The following NKAIN3 variants were observed in gnomAD, a reference collection of about 807,000 sequenced individuals.
NKAIN3 encodes sodium/potassium-transporting ATPase subunit beta-1-interacting protein 3.
NKAIN3 carries 25 observed loss-of-function variants against 30.2 expected under a neutral mutation model. The ratio of observed to expected loss-of-function variants is 0.83; its 90% CI spans 0.60 to 1.16. The LOEUF (loss-of-function observed/expected upper bound fraction) is 1.16, where lower values mean the gene tolerates loss of function less well. Among genes scored for constraint, NKAIN3 ranks in the 50% most tolerant of loss-of-function variants. The pLI is 0.00. For synonymous variants in NKAIN3, 91 were observed against 89.6 expected (o/e 1.02, Z -0.09); for missense variants, 225 against 254.1 (o/e 0.89, Z 0.78).
chr8:62,708,903 C>A (rs1337944380), intron 3 of NKAIN3, among the ~76,000 whole-genome samples: 1 of 152,116 alleles, frequency 6.6e-6, no homozygotes, highest in Non-Finnish European at 1.5e-5. Context: ...CCCTTGTATG[C>A]AGATTTTGAT....
chr8:62,717,375 C>G (rs1814941378), intron 3 of NKAIN3, among the ~76,000 whole-genome samples: 1 of 152,106 alleles, frequency 6.6e-6, no homozygotes, highest in Admixed American at 6.5e-5. Context: ...TCTGCCTATG[C>G]TTTATGTGTT....
At chr8:62,681,427 C>T (rs751119312) in intron 3 of NKAIN3, among the ~76,000 whole-genome samples, 2 of 152,118 alleles carry the variant, frequency 1.3e-5, no homozygotes, top group Non-Finnish European at 1.5e-5. Context: ...AGAGTTGATA[C>T]TCAGTTAATT....
chr8:62,889,769 A>G (rs1340980667), intron 4 of NKAIN3, among the ~76,000 whole-genome samples: 3 of 152,162 alleles, frequency 2.0e-5, no homozygotes, highest in Non-Finnish European at 4.4e-5. Context: ...CCTAGGATAG[A>G]CCTTGAGCAA....
intron 3 of NKAIN3, among the ~76,000 whole-genome samples, chr8:62,718,511 T>C (rs1027675257): frequency 6.6e-6 from 1 of 152,192 alleles, no homozygotes; most frequent in Non-Finnish European, 1.5e-5. Context: ...CCTTAATTTA[T>C]TAAACTAATT....
At chr8:62,395,118 G>A (rs1296350343) in intron 1 of NKAIN3, among the ~76,000 whole-genome samples, 2 of 151,698 alleles carry the variant, frequency 1.3e-5, no homozygotes, top group Non-Finnish European at 1.5e-5. Flanking sequence ...ACGGGACAGA[G>A]GTGCTCCTCA....
At chr8:62,776,147 T>C (rs1586183753) in intron 4 of NKAIN3, among the ~76,000 whole-genome samples, 1 of 152,248 alleles carries the variant, frequency 6.6e-6, no homozygotes, top group Admixed American at 6.5e-5. Context: ...TTTCAGTCTA[T>C]GTGTGCCTTT....
chr8:62,461,818 C>T (rs1806009365), intron 1 of NKAIN3, among the ~76,000 whole-genome samples: 1 of 152,086 alleles, frequency 6.6e-6, no homozygotes, highest in Non-Finnish European at 1.5e-5. Flanking sequence ...GCCTCAGATG[C>T]CTGTGGGAAA....
At chr8:62,860,943 C>T (rs1184832208) in intron 4 of NKAIN3, among the ~76,000 whole-genome samples, 3 of 152,318 alleles carry the variant, frequency 2.0e-5, no homozygotes, top group South Asian at 4.1e-4. Flanking sequence ...CATTCCAGGA[C>T]AGGCAGAAGG....
At chr8:62,400,156 A>G (rs1045575992) in intron 1 of NKAIN3, among the ~76,000 whole-genome samples, 3 of 145,506 alleles carry the variant, frequency 2.1e-5, no homozygotes, top group African/African-American at 5.1e-5. Flanking sequence ...GGTAGATGCT[A>G]TATTTTCTTT....
intron 1 of NKAIN3, among the ~76,000 whole-genome samples, chr8:62,316,620 A>G: frequency 6.6e-6 from 1 of 152,048 alleles, no homozygotes. Flanking sequence ...ATCATTTTTT[A>G]TGGCTGCATA....
At chr8:62,502,602 C>T (rs1373078881) in intron 1 of NKAIN3, among the ~76,000 whole-genome samples, 1 of 152,008 alleles carries the variant, frequency 6.6e-6, no homozygotes, top group Non-Finnish European at 1.5e-5. Flanking sequence ...TTAACTTGCA[C>T]TTTAAATGTA....
intron 4 of NKAIN3, among the ~76,000 whole-genome samples, chr8:62,759,178 G>A (rs1276022731): frequency 1.3e-5 from 2 of 152,032 alleles, no homozygotes; most frequent in Admixed American, 6.6e-5. Context: ...TGGATTTTTG[G>A]TGAAAACTTA....
chr8:62,585,702 G>A (rs1028716207), intron 2 of NKAIN3, among the ~76,000 whole-genome samples: 3 of 152,132 alleles, frequency 2.0e-5, no homozygotes, highest in Non-Finnish European at 4.4e-5. Flanking sequence ...AGGCAGTACT[G>A]GTCTGTGGCC....
At chr8:62,750,594 C>T (rs1816245142) in intron 4 of NKAIN3, among the ~76,000 whole-genome samples, 1 of 152,016 alleles carries the variant, frequency 6.6e-6, no homozygotes. Context: ...TGGGAGGCGG[C>T]GGGGGGTGCC....
intron 4 of NKAIN3, among the ~76,000 whole-genome samples, chr8:62,869,739 G>GC (rs1554586441): frequency 6.6e-6 from 1 of 151,620 alleles, no homozygotes; most frequent in Non-Finnish European, 1.5e-5. Context: ...TGTCAGCCCC[G>GC]TTTTTTTTCC....
In NKAIN3 at chr8:62,851,682, G is replaced by C. The variant is rs570622400; in HGVS notation, c.472-66771G>C. ...TTAGCATGAAGCATTGTTGAATTTTGTCAAAGGCCTTTTCTGCATCTATTG... is the reference window on the plus strand; with the variant it reads ...TTAGCATGAAGCATTGTTGAATTTTCTCAAAGGCCTTTTCTGCATCTATTG... On this transcript the variant is annotated intron_variant, in intron 4 of 6. Transcript: ENST00000623646. Among the ~76,000 whole-genome samples, 140 of 152,200 alleles carry C rather than the reference G, an allele frequency of 9.2e-4. 1 individual carries two copies. In the Middle Eastern group the frequency reaches 0.02, roughly 22 times the overall value.
intron 3 of NKAIN3, among the ~76,000 whole-genome samples, chr8:62,591,426 T>A (rs1162658574): frequency 6.6e-6 from 1 of 152,006 alleles, no homozygotes; most frequent in Non-Finnish European, 1.5e-5. Context: ...ACACATGATA[T>A]GTGGTAACTC....
intron 3 of NKAIN3, among the ~76,000 whole-genome samples, chr8:62,593,147 CAT>C (rs926575540): frequency 4.6e-5 from 7 of 151,932 alleles, no homozygotes; most frequent in African/African-American, 1.7e-4. Flanking sequence ...ATTTTCTATT[CAT>C]GTGCATATGA....
At chr8:62,459,513 C>A (rs1453319200) in intron 1 of NKAIN3, among the ~76,000 whole-genome samples, 1 of 152,128 alleles carries the variant, frequency 6.6e-6, no homozygotes, top group Non-Finnish European at 1.5e-5. Flanking sequence ...AACATGCTTG[C>A]TTTTATGCAG....
Sources: allele counts gnomAD v4.1 joint callset (sites outside exome capture counted in the v4.1 genomes callset), GRCh38; gene constraint gnomAD v4.1.1; transcripts MANE v1.5; gene names NCBI Gene and HGNC (gene_info 2026-07-23, HGNC 2026-07-21).